The following FRK variants were observed in gnomAD, a reference collection of about 807,000 sequenced individuals.
The protein encoded by FRK is tyrosine-protein kinase FRK.
In FRK, 51 loss-of-function variants were observed where a neutral mutation model predicts 56.4. The ratio of observed to expected loss-of-function variants is 0.90; its 90% CI spans 0.72 to 1.14. FRK has a LOEUF of 1.14. Ranked by LOEUF, FRK falls within the 50% of genes most tolerant of loss-of-function variation. The pLI, the probability that FRK is intolerant of heterozygous loss-of-function variation, is 0.00. For synonymous variants in FRK, 245 were observed against 217.9 expected (o/e 1.12, Z -1.10); for missense variants, 570 against 601.4 (o/e 0.95, Z 0.55).
chr6:116,022,240 T>G (rs1169197285), intron 1 of FRK, among the ~76,000 whole-genome samples: 1 of 151,994 alleles, frequency 6.6e-6, no homozygotes, highest in Non-Finnish European at 1.5e-5. Context: ...CTACCAAAAT[T>G]TAAGGAAGAA....
intron 6 of FRK, 89 bp from the exon 7 acceptor site, chr6:115,943,274 A>C: frequency 1.1e-6 from 1 of 897,166 alleles, no homozygotes; most frequent in East Asian, 2.8e-5. Flanking sequence ...TCACTTCAAA[A>C]TTTAGAGAGA....
chr6:115,942,750 T>G (rs1367946652), intron 7 of FRK, 125 bp from the exon 8 acceptor site: 1 of 852,082 alleles, frequency 1.2e-6, no homozygotes, highest in African/African-American at 1.7e-5. Context: ...AGATTTAAGG[T>G]CTGCCATCCC....
rs1340337647 is a variant in FRK, at chr6:115,932,392, G to A, written c.*10022C>T. On this transcript the variant is annotated 3_prime_UTR_variant, in exon 8 of 8. Coordinates refer to ENST00000606080, the MANE Select transcript of FRK (RefSeq NM_002031.3). ...TGACACTGAATATTTGCATCATGTTGAAGATTATAGACTGAATCTTCTACA... is the reference window on the plus strand; with the variant it reads ...TGACACTGAATATTTGCATCATGTTAAAGATTATAGACTGAATCTTCTACA... 6.6e-6 allele frequency: 1 copy of A among 152,116 alleles called. No individual in the cohort carries two copies. The highest frequency in any genetic ancestry group is 1.5e-5 in the Non-Finnish European group (1 of 68,008). 9.4% of individuals were successfully genotyped at this position (152,116 alleles called of 1,614,324 possible).
chr6:115,968,546 TAA>T, intron 3 of FRK, 28 bp downstream of exon 3: 3 of 1,586,706 alleles, frequency 1.9e-6, no homozygotes, highest in Non-Finnish European at 2.6e-6. Context: ...TTAACTTCAA[TAA>T]AAAAACACAG....
chr6:116,078,809 T>G, the FRK span, among the ~76,000 whole-genome samples: 1 of 152,228 alleles, frequency 6.6e-6, no homozygotes, highest in Non-Finnish European at 1.5e-5. Context: ...CTTTCATTTT[T>G]TTATTGTTTC....
intron 1 of FRK, among the ~76,000 whole-genome samples, chr6:116,058,640 G>A (rs1436050460): frequency 6.6e-6 from 1 of 152,178 alleles, no homozygotes; most frequent in African/African-American, 2.4e-5. Context: ...GCCGGGCGCG[G>A]TGGCTCACGC....
intron 1 of FRK, among the ~76,000 whole-genome samples, chr6:116,021,351 T>C (rs1775866779): frequency 1.3e-5 from 2 of 152,006 alleles, no homozygotes; most frequent in Admixed American, 6.6e-5. Flanking sequence ...TTAAGAGAAA[T>C]GTATCATGAG....
chr6:116,083,513 G>A, the FRK span, among the ~76,000 whole-genome samples: 1 of 152,244 alleles, frequency 6.6e-6, no homozygotes, highest in East Asian at 1.9e-4. Flanking sequence ...CTAAGTGAAG[G>A]GTTAGCTTTA....
intron 5 of FRK, among the ~76,000 whole-genome samples, chr6:115,947,317 AGTGTGTGTGTGT>A (rs10577529): frequency 0.04 from 6,059 of 149,786 alleles, 322 homozygotes; most frequent in Admixed American, 0.15. Context: ...AGACTTAAAC[AGTGTGTGTGTGT>A]GTGTGTGTGT....
At chr6:115,957,989 A>C (rs182381577) in intron 4 of FRK, among the ~76,000 whole-genome samples, 2 of 152,348 alleles carry the variant, frequency 1.3e-5, no homozygotes, top group Non-Finnish European at 2.9e-5. Context: ...CAAACAGACC[A>C]GCTGTAAGTA....
the FRK span, among the ~76,000 whole-genome samples, chr6:116,089,085 C>T: frequency 2.6e-5 from 4 of 152,302 alleles, no homozygotes; most frequent in South Asian, 8.3e-4. Context: ...AGTCTTCTTA[C>T]ATATTATTTA....
chr6:116,050,439 T>C (rs147479450), intron 1 of FRK, among the ~76,000 whole-genome samples: 271 of 152,290 alleles, frequency 1.8e-3, no homozygotes, highest in East Asian at 0.012. Flanking sequence ...GTTATTCCCA[T>C]TTCTTAACAA....
intron 2 of FRK, among the ~76,000 whole-genome samples, chr6:116,001,739 T>C (rs953580172): frequency 1.3e-5 from 2 of 152,342 alleles, no homozygotes; most frequent in African/African-American, 4.8e-5. Context: ...CCTCCCTTTG[T>C]TCTCTGGAAT....
the FRK span, among the ~76,000 whole-genome samples, chr6:116,067,185 G>A: frequency 6.6e-6 from 1 of 152,042 alleles, no homozygotes; most frequent in African/African-American, 2.4e-5. Flanking sequence ...TGCAGGCCAA[G>A]GAATACCAGC....
Position 116,060,423 on chromosome 6 carries a change from A to T in FRK, c.-112T>A, listed in dbSNP as rs1375887672. 1 of 791,108 alleles carries T rather than the reference A, an allele frequency of 1.3e-6. No individual in the cohort carries two copies. 49.0% of individuals were successfully genotyped at this position (791,108 alleles called of 1,614,324 possible). ...TTTGAAGTCAGCACCAACTCACCAT[A>T]CTTCGGAGAGTATGCAAAGTCCCGT... On this transcript the variant is annotated 5_prime_UTR_variant, in exon 1 of 8. Coordinates refer to ENST00000606080, the MANE Select transcript of FRK (RefSeq NM_002031.3).
At chr6:115,990,961 T>C (rs1005310345) in intron 2 of FRK, among the ~76,000 whole-genome samples, 2 of 152,006 alleles carry the variant, frequency 1.3e-5, no homozygotes, top group African/African-American at 4.8e-5. Context: ...CAGTGTTTTA[T>C]AGTTGTCCTT....
intron 1 of FRK, among the ~76,000 whole-genome samples, chr6:116,026,028 T>C (rs1162107023): frequency 6.6e-6 from 1 of 152,074 alleles, no homozygotes; most frequent in Non-Finnish European, 1.5e-5. Flanking sequence ...TGGAAAAAAA[T>C]TCAGCACCTT....
intron 1 of FRK, chr6:116,039,361 G>A (rs1776624543): frequency 7.5e-6 from 11 of 1,462,036 alleles, no homozygotes; most frequent in Non-Finnish European, 8.6e-6. Flanking sequence ...CAGAGCACCC[G>A]TATCCATTTA....
chr6:115,955,851 C>T (rs1482180068), intron 5 of FRK, among the ~76,000 whole-genome samples: 2 of 152,140 alleles, frequency 1.3e-5, no homozygotes, highest in Non-Finnish European at 2.9e-5. Context: ...ACTAAATTAT[C>T]CATTTGTAAT....
Sources: allele counts gnomAD v4.1 joint callset (sites outside exome capture counted in the v4.1 genomes callset), GRCh38; gene constraint gnomAD v4.1.1; transcripts MANE v1.5; gene names NCBI Gene and HGNC (gene_info 2026-07-23, HGNC 2026-07-21).